UBTD1: variants seen among roughly 807,000 people sequenced by gnomAD.
UBTD1 encodes ubiquitin domain-containing protein 1.
UBTD1 carries 19 observed loss-of-function variants against 21.7 expected under a neutral mutation model. That is an observed-to-expected ratio of 0.87 (90% CI 0.61 to 1.28). The LOEUF (loss-of-function observed/expected upper bound fraction) is 1.28, where lower values mean the gene tolerates loss of function less well. Ranked by LOEUF, UBTD1 falls within the 50% of genes most tolerant of loss-of-function variation. The probability of loss-of-function intolerance (pLI) is 0.00; values close to 1 mark genes in which losing one functional copy is unlikely to be tolerated. For missense variants in UBTD1, 282 were observed against 315.1 expected, an observed-to-expected ratio of 0.89 and a Z score of 0.80; for synonymous variants, 116 against 135.1, an observed-to-expected ratio of 0.86 and a Z score of 0.98.
In UBTD1 at chr10:97,513,843, C is replaced by T. The variant is rs146373489; in HGVS notation, c.70+14570C>T. Among the ~76,000 whole-genome samples the T allele has an allele frequency of 1.8e-3, 281 of 152,072 alleles. 2 individuals carry two copies. Among genetic ancestry groups the T allele is most frequent in the African/African-American group, 6.4e-3 (265 of 41,466 alleles). On this transcript the variant is annotated intron_variant, in intron 1 of 2. Transcript: ENST00000370664. ...TCCTCCCATCCCACCTCCTGAGTAC[C>T]TAAGACTACAGGTGCGGGCTACCAC...
intron 1 of UBTD1, among the ~76,000 whole-genome samples, chr10:97,550,876 G>A (rs2040633846): frequency 6.6e-6 from 1 of 151,998 alleles, no homozygotes; most frequent in Non-Finnish European, 1.5e-5. Context: ...ATTCATTATT[G>A]AGGCCAAACC....
intron 1 of UBTD1, among the ~76,000 whole-genome samples, chr10:97,507,097 C>T (rs529412935): frequency 1.3e-5 from 2 of 152,278 alleles, no homozygotes; most frequent in East Asian, 1.9e-4. Context: ...TGAATAACCC[C>T]CCATAACACT....
chr10:97,549,864 T>A (rs2040628120), intron 1 of UBTD1, among the ~76,000 whole-genome samples: 1 of 152,218 alleles, frequency 6.6e-6, no homozygotes, highest in Non-Finnish European at 1.5e-5. Flanking sequence ...CTGCTAAGTC[T>A]AACTATAAAT....
rs750347239 is a variant in UBTD1 at position 97,570,231 on chromosome 10, C to T, written c.392C>T (p.Thr131Met). 5.3e-5 allele frequency: 86 copies of T among 1,613,130 alleles called. 1 individual carries two copies. The highest frequency in any genetic ancestry group is 3.3e-4 in the Middle Eastern group (2 of 6,084). The change falls in exon 3 of 3, where the codon ACG (threonine) becomes ATG (methionine). Residue 131 changes from threonine (T) to methionine (M), a missense_variant. By Grantham distance (81) the Thr-to-Met change is moderately conservative (BLOSUM62 -1). Coordinates refer to ENST00000370664, the MANE Select transcript of UBTD1 (RefSeq NM_024954.5). The surrounding 1 kb of genome is among the most constrained non-coding windows in gnomAD (Gnocchi z 6.6). The part of the protein sequence containing the change: ...SPPVNLLLEH[T>M]EEESLEPPEP... ...CCGGTGAACCTGCTGCTGGAGCACA[C>T]GGAGGAGGAGAGCCTGGAGCCCCCC...
intron 1 of UBTD1, among the ~76,000 whole-genome samples, chr10:97,556,766 G>A (rs969993469): frequency 6.6e-6 from 1 of 152,166 alleles, no homozygotes; most frequent in Non-Finnish European, 1.5e-5. Context: ...TAAGCTCTGT[G>A]TCCACATATC....
At chr10:97,534,550 A>C (rs2040550251) in intron 1 of UBTD1, among the ~76,000 whole-genome samples, 1 of 149,422 alleles carries the variant, frequency 6.7e-6, no homozygotes. Context: ...GCCAAAGCTT[A>C]AGGCACTAAG....
chr10:97,550,187 G>A (rs951175060), intron 1 of UBTD1, among the ~76,000 whole-genome samples: 8 of 152,174 alleles, frequency 5.3e-5, no homozygotes, highest in Non-Finnish European at 1.2e-4. Flanking sequence ...GCCCAGACTT[G>A]TCACATAATC....
At chr10:97,552,357 C>A (rs114365290) in intron 1 of UBTD1, among the ~76,000 whole-genome samples, 5,296 of 150,128 alleles carry the variant, frequency 0.035, 240 homozygotes, top group African/African-American at 0.095. Flanking sequence ...AGCCAGACCC[C>A]GTCTAAAAAC....
intron 1 of UBTD1, among the ~76,000 whole-genome samples, chr10:97,524,285 G>T (rs567358437): frequency 2.9e-5 from 4 of 139,662 alleles, no homozygotes; most frequent in East Asian, 2.3e-4. Flanking sequence ...TTGTAGGGAT[G>T]CGGGGGGGTC....
intron 1 of UBTD1, among the ~76,000 whole-genome samples, chr10:97,528,174 G>A (rs1256837019): frequency 6.9e-4 from 67 of 96,558 alleles, no homozygotes; most frequent in African/African-American, 1.5e-3. Context: ...CGGGCGGGGG[G>A]CTGACTCCCC....
chr10:97,508,348 C>T (rs186640158), intron 1 of UBTD1, among the ~76,000 whole-genome samples: 1 of 152,320 alleles, frequency 6.6e-6, no homozygotes, highest in Admixed American at 6.5e-5. Flanking sequence ...TATTATTGAG[C>T]ACCTTCAGGC....
chr10:97,548,361 G>T (rs17108059), intron 1 of UBTD1, among the ~76,000 whole-genome samples: 49,437 of 152,206 alleles, frequency 0.32, 8,450 homozygotes, highest in East Asian at 0.49. Context: ...AGATGAGAGT[G>T]TGTTGACTGC....
At chr10:97,506,294 G>T (rs1236111443) in intron 1 of UBTD1, among the ~76,000 whole-genome samples, 1 of 152,184 alleles carries the variant, frequency 6.6e-6, no homozygotes, top group African/African-American at 2.4e-5. Flanking sequence ...GTCCTACCCG[G>T]TCAGTTACTG....
At chr10:97,554,960 G>A (rs1374794941) in intron 1 of UBTD1, among the ~76,000 whole-genome samples, 4 of 152,164 alleles carry the variant, frequency 2.6e-5, no homozygotes, top group African/African-American at 9.7e-5. Flanking sequence ...TCAACCCTTG[G>A]TAGATTAGGA....
chr10:97,564,671 C>T (rs1439657608), intron 1 of UBTD1, among the ~76,000 whole-genome samples: 1 of 152,172 alleles, frequency 6.6e-6, no homozygotes, highest in East Asian at 1.9e-4. Context: ...TCAAGTGATT[C>T]TCCTGCCTCA....
At chr10:97,535,029 G>C (rs1589875669) in intron 1 of UBTD1, among the ~76,000 whole-genome samples, 1 of 152,336 alleles carries the variant, frequency 6.6e-6, no homozygotes, top group Non-Finnish European at 1.5e-5. Context: ...GGAAGAAGAG[G>C]GTTTGTGTGG....
chr10:97,544,158 T>G (rs1248174155), intron 1 of UBTD1, among the ~76,000 whole-genome samples: 1 of 152,046 alleles, frequency 6.6e-6, no homozygotes, highest in Non-Finnish European at 1.5e-5. Context: ...CTGGGTGTAG[T>G]GGCCAGCACC....
At chr10:97,529,019 C>T (rs1436906058) in intron 1 of UBTD1, among the ~76,000 whole-genome samples, 1 of 151,924 alleles carries the variant, frequency 6.6e-6, no homozygotes, top group African/African-American at 2.4e-5. Context: ...GGGGTGGCAG[C>T]CGGGCGGAGG....
intron 1 of UBTD1, among the ~76,000 whole-genome samples, chr10:97,541,969 C>T (rs1334452790): frequency 6.6e-6 from 1 of 152,154 alleles, no homozygotes; most frequent in Non-Finnish European, 1.5e-5. Flanking sequence ...CTCCTGACCT[C>T]AGGTGATCCA....
Sources: allele counts gnomAD v4.1 joint callset (sites outside exome capture counted in the v4.1 genomes callset), GRCh38; gene constraint gnomAD v4.1.1; non-coding constraint Gnocchi (gnomAD v3.1); transcripts MANE v1.5; gene names NCBI Gene and HGNC (gene_info 2026-07-23, HGNC 2026-07-21).